EFHC1: variants seen among roughly 807,000 people sequenced by gnomAD.
EFHC1 encodes the protein EF-hand domain-containing protein 1.
EFHC1 carries 53 observed loss-of-function variants against 69.9 expected under a neutral mutation model. That is an observed-to-expected ratio of 0.76 (90% confidence interval 0.61 to 0.95). The LOEUF (loss-of-function observed/expected upper bound fraction) is 0.95, where lower values mean the gene tolerates loss of function less well. EFHC1 is among the 40% of genes least tolerant of loss of function. The pLI is 0.00. For missense variants in EFHC1, 739 were observed against 798.7 expected, an observed-to-expected ratio of 0.93 and a Z score of 0.90; for synonymous variants, 256 against 278.4, an observed-to-expected ratio of 0.92 and a Z score of 0.80.
At chr6:52,441,558 T>G (rs1334958940) in intron 3 of EFHC1, among the ~76,000 whole-genome samples, 1 of 152,164 alleles carries the variant, frequency 6.6e-6, no homozygotes, top group African/African-American at 2.4e-5. Flanking sequence ...TTTGTTCTTT[T>G]GCTTAGAATT....
At chr6:52,482,814 C>T in intron 9 of EFHC1, 1 of 398,612 alleles carries the variant, frequency 2.5e-6, no homozygotes, top group Non-Finnish European at 4.4e-6. Context: ...ACTGGCTGCA[C>T]ATCCAGATTC....
intron 3 of EFHC1, among the ~76,000 whole-genome samples, chr6:52,451,853 C>CT (rs903192098): frequency 1.3e-4 from 19 of 151,910 alleles, no homozygotes; most frequent in East Asian, 5.8e-4. Flanking sequence ...GGTATGCTTT[C>CT]TTTTTTTTCT....
chr6:52,449,595 T>G (rs1764871307), intron 3 of EFHC1, among the ~76,000 whole-genome samples: 1 of 152,182 alleles, frequency 6.6e-6, no homozygotes, highest in Non-Finnish European at 1.5e-5. Flanking sequence ...TCTTCTAGGT[T>G]TTCTAGTGTT....
chr6:52,497,158 G>A lies in EFHC1; in HGVS notation c.*4817G>A, dbSNP rs1766086685. ...ACCTCTTTTCCACTTTACTATTAAA[G>A]AGTCAAATAAAAATGATGCTTATTG... On this transcript the variant is annotated 3_prime_UTR_variant, in exon 11 of 11. Coordinates refer to ENST00000371068, the MANE Select transcript of EFHC1 (RefSeq NM_018100.4). 6.6e-6 allele frequency: 1 copy of A among 152,084 alleles called. No homozygotes were observed. Among genetic ancestry groups the A allele is most frequent in the African/African-American group, 2.4e-5 (1 of 41,368 alleles). The allele number at this position is 152,084 out of a possible 1,614,324, so 9.4% of individuals were successfully genotyped here. A position where few individuals can be genotyped will look rare whatever the true frequency, so the allele number is the denominator to read the frequency against.
chr6:52,449,593 G>A (rs74542932), intron 3 of EFHC1, among the ~76,000 whole-genome samples: 1 of 152,094 alleles, frequency 6.6e-6, no homozygotes, highest in African/African-American at 2.4e-5. Flanking sequence ...TCTCTTCTAG[G>A]TTTTCTAGTG....
chr6:52,488,123 C>T (rs1232595335), intron 9 of EFHC1: 1 of 152,132 alleles, frequency 6.6e-6, no homozygotes, highest in African/African-American at 2.4e-5. Context: ...TCTCTTTCCC[C>T]AAATGATTGG....
intron 5 of EFHC1, among the ~76,000 whole-genome samples, chr6:52,457,349 T>C (rs910390266): frequency 1.2e-4 from 19 of 152,088 alleles, no homozygotes; most frequent in Non-Finnish European, 2.1e-4. Context: ...GGGATTAGAC[T>C]CAGATTTAGA....
At chr6:52,490,030 A>AG (rs1408294366) in intron 9 of EFHC1, 110 bp from the exon 10 acceptor site, 3 of 1,005,834 alleles carry the variant, frequency 3.0e-6, no homozygotes, top group Non-Finnish European at 4.6e-6. Context: ...TCAGTCTCAA[A>AG]GCTGTGATTA....
At position 52,490,684 on chromosome 6, in the gene EFHC1, A is replaced by T. The variant is rs867771404; in HGVS notation, c.1851+334A>T. ...ACTCAAAGATAAGTTGATAGAGCAG[A>T]CTGGTTGGCAGCCTTTGATACCCTT... is the stretch of plus-strand genomic sequence containing the variant. On this transcript the variant is annotated intron_variant, in intron 10 of 10. Coordinates refer to ENST00000371068, the MANE Select transcript of EFHC1 (RefSeq NM_018100.4). 154 of 522,310 alleles carry T rather than the reference A, an allele frequency of 2.9e-4. 2 individuals are homozygous for T. The Middle Eastern group carries it at 3.0e-3, about 10-fold the overall frequency. 32.4% of individuals were successfully genotyped at this position (522,310 alleles called of 1,614,324 possible). A position where few individuals can be genotyped will look rare whatever the true frequency, so the allele number is the denominator to read the frequency against.
intron 4 of EFHC1, chr6:52,453,181 C>A: frequency 7.6e-7 from 1 of 1,324,274 alleles, no homozygotes; most frequent in Non-Finnish European, 9.9e-7. Context: ...TTCATAGACT[C>A]CTTTGTGAAA....
At chr6:52,453,940 G>A in intron 4 of EFHC1, 155 bp from the exon 5 acceptor site, 1 of 1,507,904 alleles carries the variant, frequency 6.6e-7, no homozygotes, top group South Asian at 1.2e-5. Context: ...TAGTATGTTT[G>A]ATGAATATTT....
intron 9 of EFHC1, 97 bp from the exon 10 acceptor site, chr6:52,490,043 A>T: frequency 8.8e-7 from 1 of 1,132,296 alleles, no homozygotes; most frequent in Non-Finnish European, 1.3e-6. Flanking sequence ...TGTGATTAGA[A>T]GCTTCCCTGA....
Position 52,469,320 on chromosome 6 carries a change from T to C in EFHC1, c.1138-13T>C. ...AGTATCTGCCTTACTTCTTGCTTCC[T>C]ATGTATCTCCAGGAGTTGCCTCCTT... is the stretch of plus-strand genomic sequence containing the variant. On this transcript the variant is annotated splice_polypyrimidine_tract_variant and intron_variant, in intron 6 of 10. Transcript: ENST00000371068. 1 of 1,613,944 alleles carries C rather than the reference T, an allele frequency of 6.2e-7. No homozygotes were observed. The highest frequency in any genetic ancestry group is 8.5e-7 in the Non-Finnish European group (1 of 1,179,884).
rs1041065986 is a variant in EFHC1, at chr6:52,493,436, ATGTATATG to A, written c.*1103_*1110del. 1.6e-5 allele frequency: 6 copies of A among 382,702 alleles called. No homozygotes were observed. Among genetic ancestry groups the A allele is most frequent in the African/African-American group, 1.4e-4 (6 of 44,256 alleles). 23.7% of individuals were successfully genotyped at this position (382,702 alleles called of 1,614,324 possible). ...ACACGCTTATATGTATACATATAGT[ATGTATATG>A]TGTATATATATTATGTATATACATA... On this transcript the variant is annotated 3_prime_UTR_variant, in exon 11 of 11. Coordinates refer to ENST00000371068, the MANE Select transcript of EFHC1 (RefSeq NM_018100.4).
At chr6:52,463,194 A>AT (rs35702967) in intron 5 of EFHC1, among the ~76,000 whole-genome samples, 62,844 of 132,866 alleles carry the variant, frequency 0.47, 15,075 homozygotes, top group East Asian at 0.7. Context: ...CACCCAGCTA[A>AT]TTTTTTTTTT....
rs140429638 is a variant in EFHC1 at position 52,423,972 on chromosome 6, G to A, written c.90G>A (p.Thr30=). 6.4e-4 allele frequency: 1,037 copies of A among 1,613,892 alleles called. 1 individual carries two copies. The highest frequency in any genetic ancestry group is 7.8e-4 in the Admixed American group (47 of 59,992). ...STKTAFHRSQ[T]LSYRNGYAIV... is the part of the protein sequence containing the mutation. Reference sequence around the variant, plus strand: ...AAACAGCCTTCCACAGAAGTCAGACGCTGAGCTACAGGAACGGCTATGCAA... The same window carrying A: ...AAACAGCCTTCCACAGAAGTCAGACACTGAGCTACAGGAACGGCTATGCAA... The change falls in exon 2 of 11, where the codon ACG becomes ACA. Residue 30 remains threonine, a synonymous_variant. Coordinates refer to ENST00000371068, the MANE Select transcript of EFHC1 (RefSeq NM_018100.4).
rs1329830748 is a variant in EFHC1 at position 52,485,296 on chromosome 6, C to T, written c.1641-4844C>T. 3.3e-5 allele frequency: 5 copies of T among 152,210 alleles called. No homozygotes were observed. In the East Asian group the frequency reaches 9.6e-4, roughly 29 times the overall value. 9.4% of individuals were successfully genotyped at this position (152,210 alleles called of 1,614,324 possible). A position where few individuals can be genotyped will look rare whatever the true frequency, so the allele number is the denominator to read the frequency against. On this transcript the variant is annotated intron_variant, in intron 9 of 10. Coordinates refer to ENST00000371068, the MANE Select transcript of EFHC1 (RefSeq NM_018100.4). The stretch of plus-strand genomic sequence containing the variant: ...GACACTGGAAAGCTTCTTGCTTCAG[C>T]ATACCACTAATTAAATCATCTTTAA...
chr6:52,454,052 C>T (rs1764982500), intron 4 of EFHC1, 43 bp from the exon 5 acceptor site: 1 of 1,611,208 alleles, frequency 6.2e-7, no homozygotes, highest in Middle Eastern at 2.2e-4. Context: ...GTTGAACTCC[C>T]TACTTTTAGG....
At chr6:52,457,857 A>G (rs1414792904) in intron 5 of EFHC1, among the ~76,000 whole-genome samples, 2 of 152,186 alleles carry the variant, frequency 1.3e-5, no homozygotes, top group Admixed American at 6.5e-5. Context: ...GTATTTCCTC[A>G]CTTTCTGTGC....
Sources: gnomAD v4.1 joint callset for allele counts (sites outside exome capture counted in the v4.1 genomes callset) on GRCh38, gnomAD v4.1.1 for gene constraint, MANE v1.5 for transcripts, NCBI Gene and HGNC (gene_info 2026-07-23, HGNC 2026-07-21) for gene names.